The following GRID2 variants were observed in gnomAD, a reference collection of about 807,000 sequenced individuals.
GRID2 encodes the protein glutamate ionotropic receptor delta type subunit 2.
In GRID2, 33 loss-of-function variants were observed where a neutral mutation model predicts 114.8. That is an observed-to-expected ratio of 0.29 (90% confidence interval 0.22 to 0.38). GRID2 has a LOEUF of 0.38. GRID2 is among the 10% of genes least tolerant of loss of function. GRID2 has a pLI of 1.00. For synonymous variants in GRID2, 505 were observed against 449.9 expected, an observed-to-expected ratio of 1.12 and a Z score of -1.55; for missense variants, 1,184 against 1,257.7, an observed-to-expected ratio of 0.94 and a Z score of 0.89.
chr4:93,250,273 C>T (rs1397532191), intron 8 of GRID2, among the ~76,000 whole-genome samples: 1 of 152,020 alleles, frequency 6.6e-6, no homozygotes, highest in Non-Finnish European at 1.5e-5. Context: ...CATGTTCTCA[C>T]TCATAAGTGG....
At chr4:92,435,319 A>G (rs1455286357) in intron 1 of GRID2, among the ~76,000 whole-genome samples, 1 of 152,226 alleles carries the variant, frequency 6.6e-6, no homozygotes, top group Admixed American at 6.5e-5. Context: ...AAATAGTAAA[A>G]TGTAACTATT....
Position 93,725,473 on chromosome 4 carries a change from A to T in GRID2, c.2361-43737A>T, listed in dbSNP as rs1309416229. ...GTGCATGTGTCTTTATAGCAGCATG[A>T]TTTATAATCCTTTGGGTATATACCC... is the stretch of plus-strand genomic sequence containing the variant. On this transcript the variant is annotated intron_variant, in intron 14 of 15. Transcript: ENST00000282020. 3.3e-5 allele frequency among the ~76,000 whole-genome samples: 5 copies of T among 152,186 alleles called. No homozygotes were observed. In the East Asian group the frequency reaches 7.7e-4, roughly 23 times the overall value.
chr4:92,968,238 A>G (rs1293125100), intron 2 of GRID2, among the ~76,000 whole-genome samples: 1 of 151,894 alleles, frequency 6.6e-6, no homozygotes, highest in Non-Finnish European at 1.5e-5. Context: ...GGTAGATACA[A>G]TCTCCATTTT....
At chr4:93,436,391 T>C (rs1265848687) in intron 10 of GRID2, among the ~76,000 whole-genome samples, 1 of 152,110 alleles carries the variant, frequency 6.6e-6, no homozygotes, top group Non-Finnish European at 1.5e-5. Context: ...CTATGAAGTA[T>C]TGTGTTCAAG....
chr4:92,454,944 TA>T (rs1269062559), intron 1 of GRID2, among the ~76,000 whole-genome samples: 1 of 152,088 alleles, frequency 6.6e-6, no homozygotes, highest in Admixed American at 6.5e-5. Context: ...CTAGAGTATT[TA>T]AAAAAAATTA....
chr4:92,980,436 G>A (rs1254477964), intron 2 of GRID2, among the ~76,000 whole-genome samples: 2 of 151,866 alleles, frequency 1.3e-5, no homozygotes, highest in African/African-American at 2.4e-5. Flanking sequence ...ATATGATTCA[G>A]TACTTAGGCA....
At chr4:93,041,055 C>T (rs1418738124) in intron 2 of GRID2, among the ~76,000 whole-genome samples, 1 of 152,036 alleles carries the variant, frequency 6.6e-6, no homozygotes, top group Non-Finnish European at 1.5e-5. Context: ...TTTCACACAA[C>T]AGAATTTGAA....
At chr4:92,958,446 A>C (rs904687196) in intron 2 of GRID2, among the ~76,000 whole-genome samples, 6 of 152,004 alleles carry the variant, frequency 3.9e-5, no homozygotes, top group Non-Finnish European at 7.4e-5. Context: ...TTTCTTATTT[A>C]GCTTGTTGAT....
intron 2 of GRID2, among the ~76,000 whole-genome samples, chr4:92,907,391 G>C (rs1239391939): frequency 6.6e-6 from 1 of 151,978 alleles, no homozygotes; most frequent in Non-Finnish European, 1.5e-5. Context: ...ACCTGTCCTA[G>C]AAACCATATA....
chr4:93,121,430 T>C (rs1235092688), intron 4 of GRID2, among the ~76,000 whole-genome samples: 2 of 152,168 alleles, frequency 1.3e-5, no homozygotes, highest in Non-Finnish European at 2.9e-5. Context: ...TGTGTACTGT[T>C]TTGTCTTTCT....
intron 8 of GRID2, among the ~76,000 whole-genome samples, chr4:93,326,276 A>G (rs1757828079): frequency 6.6e-6 from 1 of 152,174 alleles, no homozygotes; most frequent in Non-Finnish European, 1.5e-5. Context: ...GAGGTCCTGA[A>G]TAACTTTTGT....
At chr4:93,239,611 T>C (rs189432756) in intron 8 of GRID2, among the ~76,000 whole-genome samples, 1 of 151,662 alleles carries the variant, frequency 6.6e-6, no homozygotes. Context: ...AAAATTTTTG[T>C]TTTATAGTGA....
intron 2 of GRID2, among the ~76,000 whole-genome samples, chr4:92,787,103 C>G (rs1739356876): frequency 6.6e-6 from 1 of 151,822 alleles, no homozygotes; most frequent in Non-Finnish European, 1.5e-5. Context: ...AACGGTTTCT[C>G]TAGAGAACAT....
intron 8 of GRID2, among the ~76,000 whole-genome samples, chr4:93,309,643 CA>C (rs1312503618): frequency 6.6e-6 from 1 of 151,986 alleles, no homozygotes; most frequent in African/African-American, 2.4e-5. Context: ...ACTTCTCTTC[CA>C]AAGAATAAAA....
At chr4:92,323,791 A>C (rs551589554) in intron 1 of GRID2, among the ~76,000 whole-genome samples, 2 of 152,048 alleles carry the variant, frequency 1.3e-5, no homozygotes, top group Non-Finnish European at 2.9e-5. Context: ...ATTCATGGAA[A>C]GACTGTTAGA....
At chr4:93,663,910 A>G (rs1282708466) in intron 14 of GRID2, among the ~76,000 whole-genome samples, 1 of 152,196 alleles carries the variant, frequency 6.6e-6, no homozygotes, top group Non-Finnish European at 1.5e-5. Context: ...CACCTGGCTT[A>G]AACATTATTT....
intron 2 of GRID2, among the ~76,000 whole-genome samples, chr4:92,748,413 C>G (rs1296527123): frequency 2.0e-5 from 3 of 152,176 alleles, no homozygotes; most frequent in South Asian, 4.2e-4. Flanking sequence ...AGGGTGTTGA[C>G]TTCATCCTGA....
intron 1 of GRID2, among the ~76,000 whole-genome samples, chr4:92,522,673 T>C (rs1214247062): frequency 6.6e-6 from 1 of 151,938 alleles, no homozygotes; most frequent in Non-Finnish European, 1.5e-5. Flanking sequence ...GATTTTCTCA[T>C]GGATTGGATG....
chr4:93,075,966 C>G (rs188199299), intron 2 of GRID2, among the ~76,000 whole-genome samples: 1 of 137,202 alleles, frequency 7.3e-6, no homozygotes, highest in African/African-American at 2.8e-5. Context: ...TGCAGTGGCG[C>G]GATCTCGGCT....
Sources: gnomAD v4.1 joint callset for allele counts (sites outside exome capture counted in the v4.1 genomes callset) on GRCh38, gnomAD v4.1.1 for gene constraint, MANE v1.5 for transcripts, NCBI Gene and HGNC (gene_info 2026-07-23, HGNC 2026-07-21) for gene names.